TEF: variants seen among roughly 807,000 people sequenced by gnomAD.
TEF encodes TEF transcription factor, PAR bZIP family member, also known as thyrotroph embryonic factor.
Under a neutral mutation model 20.8 loss-of-function variants are expected in TEF, and 3 were observed. The observed-to-expected ratio is 0.14, with a 90% confidence interval of 0.07 to 0.37. The LOEUF (loss-of-function observed/expected upper bound fraction) is 0.37. Among genes scored for constraint, TEF ranks in the 10% least tolerant of loss-of-function variants. TEF has a pLI of 1.00. For synonymous variants in TEF, 180 were observed against 171.1 expected, an observed-to-expected ratio of 1.05 and a Z score of -0.41; for missense variants, 296 against 397.9, an observed-to-expected ratio of 0.74 and a Z score of 2.18.
At chr22:41,387,195 G>A (rs2037108145) in intron 1 of TEF, 156 bp from the exon 2 acceptor site, 8 of 825,118 alleles carry the variant, frequency 9.7e-6, no homozygotes, top group South Asian at 5.4e-5. Context: ...GTTCAAGTGC[G>A]AGATTCGAAC....
intron 1 of TEF, among the ~76,000 whole-genome samples, chr22:41,385,072 T>C (rs2037081002): frequency 6.6e-6 from 1 of 152,140 alleles, no homozygotes; most frequent in African/African-American, 2.4e-5. Context: ...CACTTTCAAA[T>C]GTTATCTCTG....
At chr22:41,382,941 T>C (rs745514168) in intron 1 of TEF, 3 of 471,042 alleles carry the variant, frequency 6.4e-6, no homozygotes, top group South Asian at 4.6e-5. Context: ...CTGAGCTTCA[T>C]CTTTTTGCCT....
intron 1 of TEF, among the ~76,000 whole-genome samples, chr22:41,368,710 G>A (rs556430414): frequency 1.4e-4 from 22 of 152,262 alleles, no homozygotes; most frequent in African/African-American, 2.6e-4. Context: ...GCTCTCGCAC[G>A]CAGCTCTGGG....
rs1601826123 is a variant in TEF at position 41,394,458 on chromosome 22, C to T, written c.696+142C>T. 9.8e-6 allele frequency: 8 copies of T among 814,016 alleles called. No homozygotes were observed. In the South Asian group the frequency reaches 1.5e-4, roughly 15 times the overall value. The allele number at this position is 814,016 out of a possible 1,614,324, so 50.4% of individuals were successfully genotyped here. ...AAGACATGAGTTTAGTGCTTAAAGC[C>T]ATATCCTTCAGCAGTTTGGTAGAAA... is the stretch of plus-strand genomic sequence containing the variant. On this transcript the variant is annotated intron_variant, in intron 3 of 3. Coordinates refer to ENST00000266304, the MANE Select transcript of TEF (RefSeq NM_003216.4).
At chr22:41,392,978 T>C (rs2037185806) in intron 2 of TEF, among the ~76,000 whole-genome samples, 1 of 151,624 alleles carries the variant, frequency 6.6e-6, no homozygotes, top group African/African-American at 2.4e-5. Flanking sequence ...GAGGCTGCAG[T>C]GAGCCAAGAT....
chr22:41,368,900 C>T (rs2036849714), intron 1 of TEF, among the ~76,000 whole-genome samples: 1 of 152,168 alleles, frequency 6.6e-6, no homozygotes, highest in Non-Finnish European at 1.5e-5. Flanking sequence ...AGGGATCTGC[C>T]CCCATTTGGA....
Position 41,397,452 on chromosome 22 carries a change from T to G in TEF, c.*1492T>G. 4.7e-6 allele frequency: 1 copy of G among 214,780 alleles called. No homozygotes were observed. Among genetic ancestry groups the G allele is most frequent in the Non-Finnish European group, 9.2e-6 (1 of 108,958 alleles). 13.3% of individuals were successfully genotyped at this position (214,780 alleles called of 1,614,324 possible). A position where few individuals can be genotyped will look rare whatever the true frequency, so the allele number is the denominator to read the frequency against. On this transcript the variant is annotated 3_prime_UTR_variant, in exon 4 of 4. Transcript: ENST00000266304. ...TATGGTGAAGAGGAGACAGAGGCGA[T>G]GGGCGTGCTTCGTCCTCCGTAACAC...
chr22:41,396,833 A>G lies in TEF; in HGVS notation c.*873A>G, dbSNP rs746989254. 2.5e-6 allele frequency: 1 copy of G among 397,662 alleles called. No individual in the cohort carries two copies. Among genetic ancestry groups the G allele is most frequent in the Non-Finnish European group, 4.4e-6 (1 of 225,840 alleles). 24.6% of individuals were successfully genotyped at this position (397,662 alleles called of 1,614,324 possible). A position where few individuals can be genotyped will look rare whatever the true frequency, so the allele number is the denominator to read the frequency against. ...TCCACCCAATGTCCAGTCTTGGATC[A>G]TAGATTTAAAAGGAAAACCCCTCTT... On this transcript the variant is annotated 3_prime_UTR_variant, in exon 4 of 4. Coordinates refer to ENST00000266304, the MANE Select transcript of TEF (RefSeq NM_003216.4).
upstream of TEF, among the ~76,000 whole-genome samples, chr22:41,379,551 G>A (rs1393982534): frequency 6.6e-6 from 1 of 151,220 alleles, no homozygotes; most frequent in Non-Finnish European, 1.5e-5. Context: ...GGTAGAGCCT[G>A]CCCTAACTCC....
At chr22:41,389,849 G>A (rs1355781389) in intron 2 of TEF, among the ~76,000 whole-genome samples, 1 of 152,010 alleles carries the variant, frequency 6.6e-6, no homozygotes, top group Non-Finnish European at 1.5e-5. Context: ...AACCGTTGAA[G>A]GACATTCTGA....
At chr22:41,381,258 G>A (rs545829984), upstream of TEF, among the ~76,000 whole-genome samples, 342 of 152,316 alleles carry the variant, frequency 2.2e-3, 1 homozygote, top group African/African-American at 7.9e-3. Flanking sequence ...CCTGCCCCGC[G>A]ACCCTGGGCA....
chr22:41,377,970 A>G (rs2036964531), upstream of TEF, among the ~76,000 whole-genome samples: 1 of 152,150 alleles, frequency 6.6e-6, no homozygotes, highest in East Asian at 1.9e-4. Flanking sequence ...TCCTCTTACT[A>G]CATCCCATCT....
At chr22:41,369,534 C>T (rs1297369363) in intron 1 of TEF, among the ~76,000 whole-genome samples, 1 of 152,226 alleles carries the variant, frequency 6.6e-6, no homozygotes, top group African/African-American at 2.4e-5. Context: ...TGAAGAGCCA[C>T]AGGACTCACA....
chr22:41,379,059 G>A (rs1010117330), upstream of TEF, among the ~76,000 whole-genome samples: 3 of 152,218 alleles, frequency 2.0e-5, no homozygotes, highest in African/African-American at 7.2e-5. Flanking sequence ...CCGTAAGGTA[G>A]GCCAGGCGCG....
chr22:41,371,283 G>A (rs375751928), intron 1 of TEF, among the ~76,000 whole-genome samples: 58 of 152,334 alleles, frequency 3.8e-4, no homozygotes, highest in African/African-American at 1.3e-3. Flanking sequence ...TCAGGCCTCC[G>A]TTTCAGGGAG....
upstream of TEF, among the ~76,000 whole-genome samples, chr22:41,381,441 C>T (rs2037020275): frequency 6.6e-6 from 1 of 152,162 alleles, no homozygotes; most frequent in Admixed American, 6.5e-5. Flanking sequence ...TGCGGCTCCA[C>T]GTGACCCGCG....
At chr22:41,395,018 T>G (rs1399555376) in intron 3 of TEF, among the ~76,000 whole-genome samples, 1 of 151,428 alleles carries the variant, frequency 6.6e-6, no homozygotes, top group Non-Finnish European at 1.5e-5. Flanking sequence ...TGTTTTGTTT[T>G]GTTTTTGAGA....
chr22:41,373,748 G>A (rs899338107), intron 1 of TEF, among the ~76,000 whole-genome samples: 8 of 145,382 alleles, frequency 5.5e-5, no homozygotes, highest in African/African-American at 1.8e-4. Flanking sequence ...GATTACAGTC[G>A]TAAGTCACCA....
upstream of TEF, among the ~76,000 whole-genome samples, chr22:41,381,355 G>GGGCCCCGCCCCC (rs1249404799): frequency 7.9e-6 from 1 of 127,288 alleles, no homozygotes; most frequent in Non-Finnish European, 1.7e-5. Flanking sequence ...GCACCGCCCC[G>GGGCCCCGCCCCC]GGCCCCGCCC....
Sources: allele counts gnomAD v4.1 joint callset (sites outside exome capture counted in the v4.1 genomes callset), GRCh38; gene constraint gnomAD v4.1.1; transcripts MANE v1.5; gene names NCBI Gene and HGNC (gene_info 2026-07-23, HGNC 2026-07-21).